The following COMMD10 variants were observed in gnomAD, a reference collection of about 807,000 sequenced individuals.
COMMD10 encodes the protein COMM domain-containing protein 10.
In COMMD10, 33 loss-of-function variants were observed where a neutral mutation model predicts 28.9. That is an observed-to-expected ratio of 1.14 (90% confidence interval 0.87 to 1.53). COMMD10 has a LOEUF of 1.53. COMMD10 is among the 40% of genes most tolerant of loss of function. COMMD10 has a pLI of 0.00. For missense variants in COMMD10, 310 were observed against 233.4 expected (o/e 1.33, Z -2.14); for synonymous variants, 110 against 81.7 (o/e 1.35, Z -1.87).
intron 4 of COMMD10, among the ~76,000 whole-genome samples, chr5:116,111,235 A>G (rs1195431667): frequency 3.3e-5 from 5 of 151,680 alleles, no homozygotes; most frequent in African/African-American, 9.7e-5. Context: ...TGTTTCATTA[A>G]TTTTTTAATT....
intron 4 of COMMD10, among the ~76,000 whole-genome samples, chr5:116,122,063 T>C (rs948992608): frequency 2.0e-5 from 3 of 152,224 alleles, no homozygotes; most frequent in African/African-American, 7.2e-5. Flanking sequence ...TGCCCATGCC[T>C]ATGTCCTGAA....
At chr5:116,280,158 T>A (rs544301975) in intron 5 of COMMD10, among the ~76,000 whole-genome samples, 1 of 152,044 alleles carries the variant, frequency 6.6e-6, no homozygotes, top group South Asian at 2.1e-4. Context: ...TGAAGTGTTT[T>A]GTTACTGACA....
intron 5 of COMMD10, among the ~76,000 whole-genome samples, chr5:116,244,201 GCTTT>G (rs1749883178): frequency 6.6e-6 from 1 of 152,012 alleles, no homozygotes; most frequent in African/African-American, 2.4e-5. Flanking sequence ...AGAAGAGACT[GCTTT>G]CTTTCATTTT....
At chr5:116,109,715 T>C (rs1421016538) in intron 4 of COMMD10, among the ~76,000 whole-genome samples, 1 of 152,270 alleles carries the variant, frequency 6.6e-6, no homozygotes, top group African/African-American at 2.4e-5. Context: ...GCTACTGATT[T>C]TTCATGTTGA....
chr5:116,085,039 C>T lies in COMMD10; in HGVS notation c.-14C>T. ...GCGCAGCTAACAGACGGCGGCAGTG[C>T]GAGAAAGCCGAAGATGGCGGTCCCC... On this transcript the variant is annotated 5_prime_UTR_variant, in exon 1 of 7. Coordinates refer to ENST00000274458, the MANE Select transcript of COMMD10 (RefSeq NM_016144.4). 6.2e-7 allele frequency: 1 copy of T among 1,605,342 alleles called. No homozygotes were observed. The highest frequency in any genetic ancestry group is 8.5e-7 in the Non-Finnish European group (1 of 1,177,540).
rs73269289 is a variant in COMMD10 at position 116,095,089 on chromosome 5, A to G, written c.399+2389A>G. 7.9e-3 allele frequency among the ~76,000 whole-genome samples: 1,196 copies of G among 152,264 alleles called. 16 individuals are homozygous for G. Among genetic ancestry groups the G allele is most frequent in the African/African-American group, 0.027 (1,101 of 41,536 alleles). ...GGGTACAAACATATAATCAGAAGTA[A>G]TAAGTTTAATGTTTGATAGTTTAGT... On this transcript the variant is annotated intron_variant, in intron 4 of 6. Coordinates refer to ENST00000274458, the MANE Select transcript of COMMD10 (RefSeq NM_016144.4).
chr5:116,101,799 A>T (rs889345605), intron 4 of COMMD10, among the ~76,000 whole-genome samples: 35 of 152,254 alleles, frequency 2.3e-4, no homozygotes, highest in African/African-American at 7.0e-4. Context: ...CATTTCTCTG[A>T]TCAGTGATGT....
In COMMD10 at chr5:116,163,198, G is replaced by A. The variant is rs139500134; in HGVS notation, c.510+29020G>A. Among the ~76,000 whole-genome samples the A allele has an allele frequency of 1.2e-4, 15 of 124,942 alleles. 2 individuals carry two copies. Among genetic ancestry groups the A allele is most frequent in the African/African-American group, 5.2e-4 (14 of 26,848 alleles). The allele number at this position is 124,942 out of a possible 152,430, so 82.0% of individuals were successfully genotyped here. A position where few individuals can be genotyped will look rare whatever the true frequency, so the allele number is the denominator to read the frequency against. On this transcript the variant is annotated intron_variant, in intron 5 of 6. Coordinates refer to ENST00000274458, the MANE Select transcript of COMMD10 (RefSeq NM_016144.4). ...CAAAAGATAGAATGTATTTCTTAGTGTCTAGTAGCTGGATCTTAGATTTTT... is the reference window on the plus strand; with the variant it reads ...CAAAAGATAGAATGTATTTCTTAGTATCTAGTAGCTGGATCTTAGATTTTT...
chr5:116,149,888 T>G (rs922197875), intron 5 of COMMD10, among the ~76,000 whole-genome samples: 1 of 151,566 alleles, frequency 6.6e-6, no homozygotes, highest in Non-Finnish European at 1.5e-5. Flanking sequence ...ATTTTGTCTT[T>G]TGTTGCCATT....
At chr5:116,136,603 G>A (rs72804833) in intron 5 of COMMD10, among the ~76,000 whole-genome samples, 4,332 of 152,154 alleles carry the variant, frequency 0.028, 86 homozygotes, top group Middle Eastern at 0.041. Context: ...TAGGCAGTAG[G>A]AATAAAAGAG....
intron 5 of COMMD10, among the ~76,000 whole-genome samples, chr5:116,223,291 G>C (rs578173679): frequency 3.3e-5 from 5 of 151,750 alleles, no homozygotes; most frequent in East Asian, 1.9e-4. Context: ...TTAGTATTGA[G>C]AAGTATAAGA....
chr5:116,280,012 C>A (rs1020188607), intron 5 of COMMD10, among the ~76,000 whole-genome samples: 1 of 151,786 alleles, frequency 6.6e-6, no homozygotes, highest in Non-Finnish European at 1.5e-5. Context: ...AGTGCTATAG[C>A]GATCTGAAGT....
chr5:116,257,317 C>A (rs1330520883), intron 5 of COMMD10, among the ~76,000 whole-genome samples: 1 of 151,548 alleles, frequency 6.6e-6, no homozygotes, highest in Non-Finnish European at 1.5e-5. Flanking sequence ...TTACAAAGGG[C>A]CTTTATAGAG....
intron 5 of COMMD10, among the ~76,000 whole-genome samples, chr5:116,143,693 A>G (rs183006885): frequency 1.3e-5 from 2 of 151,910 alleles, no homozygotes; most frequent in Non-Finnish European, 2.9e-5. Context: ...TTGACATAAA[A>G]GTATTAACAA....
At chr5:116,164,851 C>A (rs540553981) in intron 5 of COMMD10, among the ~76,000 whole-genome samples, 1 of 152,146 alleles carries the variant, frequency 6.6e-6, no homozygotes, top group Non-Finnish European at 1.5e-5. Flanking sequence ...ACTTAATAAG[C>A]TATAATGTGC....
chr5:116,159,282 A>G (rs969116725), intron 5 of COMMD10, among the ~76,000 whole-genome samples: 2 of 152,186 alleles, frequency 1.3e-5, no homozygotes, highest in South Asian at 2.1e-4. Flanking sequence ...TGTTATGACC[A>G]TAGAAGTTGC....
At chr5:116,284,043 G>A (rs1451704119) in intron 5 of COMMD10, among the ~76,000 whole-genome samples, 3 of 149,294 alleles carry the variant, frequency 2.0e-5, no homozygotes, top group Non-Finnish European at 2.9e-5. Flanking sequence ...CAGGAGGTTC[G>A]TTTACACCCA....
chr5:116,119,730 G>C (rs1381733861), intron 4 of COMMD10, among the ~76,000 whole-genome samples: 1 of 152,024 alleles, frequency 6.6e-6, no homozygotes, highest in Non-Finnish European at 1.5e-5. Flanking sequence ...TCCTGCCTCA[G>C]CTTCCCAAGT....
chr5:116,274,100 A>T, intron 5 of COMMD10, among the ~76,000 whole-genome samples: 1 of 151,778 alleles, frequency 6.6e-6, no homozygotes, highest in Admixed American at 6.6e-5. Context: ...ATATTAAATG[A>T]TAGTGAAGAG....
Sources: gnomAD v4.1 joint callset for allele counts (sites outside exome capture counted in the v4.1 genomes callset) on GRCh38, gnomAD v4.1.1 for gene constraint, MANE v1.5 for transcripts, NCBI Gene and HGNC (gene_info 2026-07-23, HGNC 2026-07-21) for gene names.